NCK2: variants seen among roughly 807,000 people sequenced by gnomAD.
The protein encoded by NCK2 is NCK adaptor protein 2.
Under a neutral mutation model 33.9 loss-of-function variants are expected in NCK2, and 16 were observed. That is an observed-to-expected ratio of 0.47 (90% CI 0.32 to 0.72). NCK2 has a LOEUF of 0.72. Among genes scored for constraint, NCK2 ranks in the 30% least tolerant of loss-of-function variants. The pLI is 0.03. For missense variants in NCK2, 418 were observed against 537.3 expected (o/e 0.78, Z 2.19); for synonymous variants, 273 against 239.9 (o/e 1.14, Z -1.27).
chr2:105,790,296 A>G (rs978107219), intron 1 of NCK2, among the ~76,000 whole-genome samples: 1 of 152,218 alleles, frequency 6.6e-6, no homozygotes, highest in African/African-American at 2.4e-5. Flanking sequence ...GTCATTGCCC[A>G]CCATCTATTT....
At chr2:105,878,248 A>T (rs544903907) in intron 3 of NCK2, among the ~76,000 whole-genome samples, 2 of 152,314 alleles carry the variant, frequency 1.3e-5, no homozygotes, top group African/African-American at 4.8e-5. Flanking sequence ...GCATCAGCTG[A>T]ACGCTGGTGC....
intron 1 of NCK2, among the ~76,000 whole-genome samples, chr2:105,789,126 G>A (rs1437783754): frequency 5.9e-5 from 9 of 152,108 alleles, no homozygotes; most frequent in East Asian, 1.9e-4. Flanking sequence ...TGGGACCCTC[G>A]GCTCCCATAG....
intron 1 of NCK2, among the ~76,000 whole-genome samples, chr2:105,807,252 C>T (rs1051471990): frequency 1.3e-5 from 2 of 152,206 alleles, no homozygotes; most frequent in Non-Finnish European, 2.9e-5. Flanking sequence ...GCCGCCCTCG[C>T]AGACATCATG....
In NCK2 at chr2:105,745,140, T is replaced by G. The variant is rs1689226489; in HGVS notation, c.-201+2T>G. 1 of 146,924 alleles carries G rather than the reference T, an allele frequency of 6.8e-6. No homozygotes were observed. The highest frequency in any genetic ancestry group is 2.5e-5 in the African/African-American group (1 of 40,390). The allele number at this position is 146,924 out of a possible 1,614,324, so 9.1% of individuals were successfully genotyped here. ...GCTCCGCGGGCGGCCCACGGCGAGG[T>G]AAGCGCGGCTAGGCGGGCGTGGGGC... On this transcript the variant is annotated splice_donor_variant, in intron 1 of 4. Coordinates refer to ENST00000233154, the MANE Select transcript of NCK2 (RefSeq NM_003581.5). LOFTEE classifies it low-confidence loss of function (5UTR_SPLICE).
intron 2 of NCK2, among the ~76,000 whole-genome samples, chr2:105,818,958 C>T (rs1371645435): frequency 1.3e-5 from 2 of 152,148 alleles, no homozygotes; most frequent in East Asian, 3.8e-4. Context: ...GTATTTAGAA[C>T]AGCATAAGAT....
At chr2:105,777,428 G>C (rs1690347025) in intron 1 of NCK2, among the ~76,000 whole-genome samples, 1 of 152,130 alleles carries the variant, frequency 6.6e-6, no homozygotes, top group Non-Finnish European at 1.5e-5. Context: ...AGTGTGGGTG[G>C]AATGAAATGA....
intron 2 of NCK2, among the ~76,000 whole-genome samples, chr2:105,839,509 G>A (rs1050600095): frequency 2.6e-5 from 4 of 152,144 alleles, no homozygotes; most frequent in African/African-American, 9.7e-5. Context: ...ATTGGGGGCT[G>A]GGTCAGCCCA....
chr2:105,852,989 A>G (rs1397661526), intron 2 of NCK2, among the ~76,000 whole-genome samples: 4 of 152,200 alleles, frequency 2.6e-5, no homozygotes, highest in Non-Finnish European at 5.9e-5. Flanking sequence ...AACGTGTATT[A>G]TTTATAAAAA....
chr2:105,822,549 A>G lies in NCK2; in HGVS notation c.-17+5936A>G, dbSNP rs568518659. Among the ~76,000 whole-genome samples the G allele has an allele frequency of 9.2e-5, 14 of 152,156 alleles. 1 individual carries two copies. In the East Asian group the frequency reaches 2.3e-3, roughly 25 times the overall value. ...GTGATTTAACGTTCTTGCATAGTCA[A>G]TAACATAATTATTTTCTCTTAGTTG... On this transcript the variant is annotated intron_variant, in intron 2 of 4. Transcript: ENST00000233154.
chr2:105,890,234 G>A (rs925319286), intron 4 of NCK2, among the ~76,000 whole-genome samples: 3 of 151,968 alleles, frequency 2.0e-5, no homozygotes, highest in African/African-American at 2.4e-5. Context: ...ATGCATACAG[G>A]CACACACACA....
At chr2:105,856,811 A>G (rs1466268161) in intron 3 of NCK2, 1 of 152,176 alleles carries the variant, frequency 6.6e-6, no homozygotes, top group African/African-American at 2.4e-5. Flanking sequence ...CCTCCCTTTC[A>G]TCTTTTCTTC....
intron 2 of NCK2, chr2:105,852,020 AC>A (rs1245409055): frequency 6.6e-6 from 1 of 152,138 alleles, no homozygotes; most frequent in Non-Finnish European, 1.5e-5. Flanking sequence ...TTGTATGGGA[AC>A]TTTTAATTTT....
intron 3 of NCK2, among the ~76,000 whole-genome samples, chr2:105,865,274 C>T (rs1370725433): frequency 6.6e-6 from 1 of 152,192 alleles, no homozygotes; most frequent in Non-Finnish European, 1.5e-5. Flanking sequence ...ATTTCATCTT[C>T]ACAGTAAGCC....
intron 1 of NCK2, among the ~76,000 whole-genome samples, chr2:105,787,648 C>T (rs1207257401): frequency 1.3e-5 from 2 of 152,140 alleles, no homozygotes; most frequent in Admixed American, 1.3e-4. Context: ...GTGAAGCTAC[C>T]TCAGTCTCTC....
chr2:105,830,639 T>A (rs1420990016), intron 2 of NCK2, among the ~76,000 whole-genome samples: 1 of 150,400 alleles, frequency 6.6e-6, no homozygotes, highest in Non-Finnish European at 1.5e-5. Flanking sequence ...AAATTAGTGT[T>A]CCTCTTTGTT....
intron 2 of NCK2, among the ~76,000 whole-genome samples, chr2:105,852,271 C>T (rs946386760): frequency 3.3e-5 from 5 of 152,200 alleles, no homozygotes; most frequent in Non-Finnish European, 5.9e-5. Context: ...CGCATCACTG[C>T]TCAACATTTA....
chr2:105,887,738 G>A (rs1050772743), intron 4 of NCK2, among the ~76,000 whole-genome samples: 1 of 152,132 alleles, frequency 6.6e-6, no homozygotes, highest in African/African-American at 2.4e-5. Context: ...AGAAAACAAT[G>A]ATTAAATCTT....
intron 1 of NCK2, among the ~76,000 whole-genome samples, chr2:105,761,386 G>T (rs937124230): frequency 6.6e-5 from 10 of 152,094 alleles, no homozygotes; most frequent in African/African-American, 9.7e-5. Flanking sequence ...AAGGCCATTA[G>T]CCTGTTTCTC....
intron 3 of NCK2, among the ~76,000 whole-genome samples, chr2:105,870,530 C>T (rs1244093041): frequency 6.6e-6 from 1 of 152,142 alleles, no homozygotes; most frequent in African/African-American, 2.4e-5. Context: ...CCGAGGTGGG[C>T]AGATCACTTG....
Sources: allele counts gnomAD v4.1 joint callset (sites outside exome capture counted in the v4.1 genomes callset), GRCh38; gene constraint gnomAD v4.1.1; transcripts MANE v1.5; gene names NCBI Gene and HGNC (gene_info 2026-07-23, HGNC 2026-07-21).